Variants in SGCD observed in about 807,000 individuals in gnomAD.
The protein encoded by SGCD is delta-sarcoglycan.
A neutral mutation model predicts 36.6 loss-of-function variants in SGCD; 18 were observed. The observed-to-expected ratio is 0.49, with a 90% CI of 0.34 to 0.73. The LOEUF (loss-of-function observed/expected upper bound fraction) is 0.73. Ranked by LOEUF, SGCD falls within the 30% of genes least tolerant of loss-of-function variation. SGCD has a pLI of 0.01. For missense variants in SGCD, 387 were observed against 346.7 expected, an observed-to-expected ratio of 1.12 and a Z score of -0.92; for synonymous variants, 133 against 130.6, an observed-to-expected ratio of 1.02 and a Z score of -0.12.
At chr5:156,101,627 G>A (rs906062723) in intron 1 of SGCD, among the ~76,000 whole-genome samples, 3 of 152,036 alleles carry the variant, frequency 2.0e-5, no homozygotes, top group African/African-American at 7.2e-5. Context: ...TGCCATTTCT[G>A]TAAATGTACT....
chr5:155,820,288 C>T, the SGCD span, among the ~76,000 whole-genome samples: 1 of 152,150 alleles, frequency 6.6e-6, no homozygotes, highest in African/African-American at 2.4e-5. Flanking sequence ...TTTGGCTTCT[C>T]AACCCAGCAG....
intron 3 of SGCD, among the ~76,000 whole-genome samples, chr5:156,147,348 A>G (rs1762728122): frequency 6.6e-6 from 1 of 152,192 alleles, no homozygotes; most frequent in African/African-American, 2.4e-5. Flanking sequence ...GAAAGGTTAC[A>G]TTTTATTCTC....
chr5:156,631,622 G>A (rs1762637987), intron 6 of SGCD, among the ~76,000 whole-genome samples: 1 of 151,352 alleles, frequency 6.6e-6, no homozygotes, highest in South Asian at 2.1e-4. Flanking sequence ...CCTCTGGATT[G>A]GTAAGCAAAG....
At chr5:156,177,575 A>T (rs899974432) in intron 3 of SGCD, among the ~76,000 whole-genome samples, 2 of 152,180 alleles carry the variant, frequency 1.3e-5, no homozygotes, top group Admixed American at 6.5e-5. Flanking sequence ...AATGAGCTAT[A>T]TTAAGGGATA....
At chr5:156,273,897 A>C (rs191441256) in intron 3 of SGCD, among the ~76,000 whole-genome samples, 1 of 152,272 alleles carries the variant, frequency 6.6e-6, no homozygotes, top group Admixed American at 6.5e-5. Context: ...AGCGTAGGTA[A>C]ATGAGGAAAC....
At chr5:156,536,982 G>A (rs571811540) in intron 4 of SGCD, among the ~76,000 whole-genome samples, 3 of 152,212 alleles carry the variant, frequency 2.0e-5, no homozygotes, top group African/African-American at 7.2e-5. Context: ...TCTTGGCTTT[G>A]TGACTTTGTG....
chr5:156,172,177 C>T (rs913687580), intron 3 of SGCD, among the ~76,000 whole-genome samples: 11 of 152,008 alleles, frequency 7.2e-5, no homozygotes, highest in East Asian at 1.9e-4. Flanking sequence ...CAAGCTACTC[C>T]GGAGGCTGAG....
chr5:155,738,830 T>A, the SGCD span, among the ~76,000 whole-genome samples: 43 of 148,914 alleles, frequency 2.9e-4, 1 homozygote, highest in Middle Eastern at 3.5e-3. Context: ...AGAGTGTGTG[T>A]GAGACTGTGA....
At chr5:156,013,023 T>G (rs545588168) in intron 1 of SGCD, among the ~76,000 whole-genome samples, 276 of 145,416 alleles carry the variant, frequency 1.9e-3, no homozygotes, top group Non-Finnish European at 3.1e-3. Flanking sequence ...GACATTTAGG[T>G]GTTTTTTTTT....
chr5:156,306,456 C>T (rs1317592093), intron 3 of SGCD, among the ~76,000 whole-genome samples: 1 of 152,156 alleles, frequency 6.6e-6, no homozygotes. Flanking sequence ...TCCATTAAAC[C>T]TTTTTCTTTT....
chr5:155,812,668 T>C, the SGCD span, among the ~76,000 whole-genome samples: 1 of 152,212 alleles, frequency 6.6e-6, no homozygotes, highest in African/African-American at 2.4e-5. Flanking sequence ...TTTCTCAAAG[T>C]ATCTTCGATG....
At chr5:156,681,731 A>G (rs996238546) in intron 7 of SGCD, among the ~76,000 whole-genome samples, 2 of 152,234 alleles carry the variant, frequency 1.3e-5, no homozygotes, top group African/African-American at 4.8e-5. Context: ...CAACCTATAG[A>G]TGATGGGGGA....
the SGCD span, among the ~76,000 whole-genome samples, chr5:155,784,478 G>A: frequency 6.6e-6 from 1 of 152,208 alleles, no homozygotes; most frequent in South Asian, 2.1e-4. Flanking sequence ...TTTTAAGCAG[G>A]GGAGAGTTAC....
intron 3 of SGCD, among the ~76,000 whole-genome samples, chr5:156,384,788 C>T (rs898083124): frequency 9.9e-5 from 15 of 152,130 alleles, no homozygotes; most frequent in African/African-American, 3.1e-4. Flanking sequence ...ACTATGAAGA[C>T]AAATTGTGCC....
chr5:156,751,040 A>T (rs1581528949), intron 7 of SGCD, among the ~76,000 whole-genome samples: 1 of 152,340 alleles, frequency 6.6e-6, no homozygotes, highest in East Asian at 1.9e-4. Context: ...TATGTGGAAG[A>T]CCCAAGAATC....
At chr5:156,075,243 A>G (rs1343232709) in intron 1 of SGCD, among the ~76,000 whole-genome samples, 1 of 152,222 alleles carries the variant, frequency 6.6e-6, no homozygotes. Context: ...TCTCAACACA[A>G]TGTATACCTA....
chr5:155,962,297 T>A (rs1581014134), intron 1 of SGCD, among the ~76,000 whole-genome samples: 1 of 152,114 alleles, frequency 6.6e-6, no homozygotes, highest in East Asian at 1.9e-4. Flanking sequence ...GAAGTTCATA[T>A]TTACTTCTGG....
At chr5:155,893,522 A>G (rs1756182668) in intron 1 of SGCD, among the ~76,000 whole-genome samples, 1 of 152,224 alleles carries the variant, frequency 6.6e-6, no homozygotes, top group Non-Finnish European at 1.5e-5. Context: ...TGGTTGAGTA[A>G]TATCTTTGCT....
chr5:156,582,181 T>C (rs1276234886), intron 4 of SGCD, among the ~76,000 whole-genome samples: 3 of 152,172 alleles, frequency 2.0e-5, no homozygotes, highest in African/African-American at 7.2e-5. Context: ...GGAAGAAATG[T>C]TGTTTTGTAT....
Sources: gnomAD v4.1 joint callset for allele counts (sites outside exome capture counted in the v4.1 genomes callset) on GRCh38, gnomAD v4.1.1 for gene constraint, MANE v1.5 for transcripts, NCBI Gene and HGNC (gene_info 2026-07-23, HGNC 2026-07-21) for gene names.